PCNX1: variants seen among roughly 807,000 people sequenced by gnomAD.
The protein encoded by PCNX1 is pecanex-like protein 1.
A neutral mutation model predicts 242.2 loss-of-function variants in PCNX1; 78 were observed. The observed-to-expected ratio is 0.32, with a 90% CI of 0.27 to 0.39. PCNX1 has a LOEUF of 0.39. Among genes scored for constraint, PCNX1 ranks in the 10% least tolerant of loss-of-function variants. PCNX1 has a pLI of 1.00. For synonymous variants in PCNX1, 1,024 were observed against 1,032.9 expected (o/e 0.99, Z 0.17); for missense variants, 2,581 against 2,856.5 (o/e 0.90, Z 2.20).
rs768006796 is a variant in PCNX1, at chr14:71,057,491, T to A, written c.4637-18T>A. ...ACTTAAGGTTAAATTTAACTTTTTTTAAAATCTCTTTTTATAGGATCAGAT... is the reference window on the plus strand; with the variant it reads ...ACTTAAGGTTAAATTTAACTTTTTTAAAAATCTCTTTTTATAGGATCAGAT... On this transcript the variant is annotated intron_variant, in intron 25 of 35. Transcript: ENST00000304743. 6.4e-6 allele frequency: 10 copies of A among 1,566,732 alleles called. No homozygotes were observed. Among genetic ancestry groups the A allele is most frequent in the Middle Eastern group, 1.7e-4 (1 of 5,944 alleles).
At chr14:71,090,033 A>G (rs1265692517) in intron 30 of PCNX1, among the ~76,000 whole-genome samples, 2 of 152,222 alleles carry the variant, frequency 1.3e-5, no homozygotes, top group Admixed American at 6.5e-5. Flanking sequence ...TATTATTGCA[A>G]TTCCTGCCTA....
At chr14:70,917,472 A>G (rs776235729) in intron 1 of PCNX1, among the ~76,000 whole-genome samples, 7 of 152,214 alleles carry the variant, frequency 4.6e-5, no homozygotes, top group Non-Finnish European at 1.0e-4. Context: ...ATTTTCTTCT[A>G]TGTCTCCATC....
chr14:71,065,697 G>A (rs1402317247), intron 26 of PCNX1, among the ~76,000 whole-genome samples: 1 of 152,154 alleles, frequency 6.6e-6, no homozygotes, highest in African/African-American at 2.4e-5. Context: ...CCATGCCTAT[G>A]TCCTGAATGG....
intron 2 of PCNX1, among the ~76,000 whole-genome samples, chr14:70,961,193 A>G (rs1020296922): frequency 2.6e-5 from 4 of 152,186 alleles, no homozygotes; most frequent in African/African-American, 9.7e-5. Flanking sequence ...ACCAAAAAAG[A>G]GCCCACATCG....
chr14:70,965,009 A>G (rs1217791527), intron 3 of PCNX1, among the ~76,000 whole-genome samples: 1 of 152,158 alleles, frequency 6.6e-6, no homozygotes, highest in Non-Finnish European at 1.5e-5. Flanking sequence ...TCTTGTATGT[A>G]TTTTATTATA....
chr14:70,933,207 C>T (rs2056871346), intron 1 of PCNX1, among the ~76,000 whole-genome samples: 2 of 152,190 alleles, frequency 1.3e-5, no homozygotes, highest in African/African-American at 4.8e-5. Context: ...CCTATGTTTA[C>T]TAGCAGCTAC....
At chr14:71,015,790 A>G (rs998184960) in intron 11 of PCNX1, among the ~76,000 whole-genome samples, 2 of 152,220 alleles carry the variant, frequency 1.3e-5, no homozygotes, top group Non-Finnish European at 2.9e-5. Flanking sequence ...GATGAGACAA[A>G]TAGGAAACAC....
At position 71,047,867 on chromosome 14, in the gene PCNX1, C is replaced by A. The variant is rs1220586451; in HGVS notation, c.4221C>A (p.Ser1407Arg). 7.4e-6 allele frequency: 12 copies of A among 1,612,892 alleles called. No homozygotes were observed. Among genetic ancestry groups the A allele is most frequent in the Non-Finnish European group, 1.0e-5 (12 of 1,179,112 alleles). Residue 1407 changes from serine (S) to arginine (R), a missense_variant, in exon 22 of 36, where the codon AGC becomes AGA. By Grantham distance (110) the Ser-to-Arg change is moderately radical. Coordinates refer to ENST00000304743, the MANE Select transcript of PCNX1 (RefSeq NM_014982.3). ...AGTTGCTACGATCCTCTTTTAGCAGCCCTACATATCAGTATGTTACAGTCA... is the reference window on the plus strand; with the variant it reads ...AGTTGCTACGATCCTCTTTTAGCAGACCTACATATCAGTATGTTACAGTCA... Reference protein sequence around the residue: ...GLKLLRSSFSSPTYQYVTVIF... With the variant: ...GLKLLRSSFSRPTYQYVTVIF...
intron 26 of PCNX1, among the ~76,000 whole-genome samples, chr14:71,068,313 A>G (rs2061497253): frequency 6.6e-6 from 1 of 151,870 alleles, no homozygotes; most frequent in South Asian, 2.1e-4. Context: ...CTTGGGTGAC[A>G]GAGTGAGACT....
intron 1 of PCNX1, among the ~76,000 whole-genome samples, chr14:70,941,484 C>T (rs933604529): frequency 2.0e-5 from 3 of 152,198 alleles, no homozygotes; most frequent in Admixed American, 6.5e-5. Context: ...TTGATCCTTC[C>T]TCTGGAAGCT....
At chr14:70,937,511 G>A (rs1374320718) in intron 1 of PCNX1, among the ~76,000 whole-genome samples, 1 of 151,718 alleles carries the variant, frequency 6.6e-6, no homozygotes, top group Non-Finnish European at 1.5e-5. Context: ...TTTGGTACCA[G>A]GACCATGCTG....
intron 2 of PCNX1, among the ~76,000 whole-genome samples, chr14:70,956,523 C>T (rs2058000868): frequency 6.6e-6 from 1 of 152,044 alleles, no homozygotes; most frequent in Admixed American, 6.6e-5. Context: ...TGCACCACTG[C>T]ACCCCAGCCT....
rs139623749 is a variant in PCNX1 at position 70,968,226 on chromosome 14, C to T, written c.497C>T (p.Thr166Ile). 2.9e-3 allele frequency: 4,717 copies of T among 1,612,742 alleles called. 9 individuals are homozygous for T. The highest frequency in any genetic ancestry group is 3.5e-3 in the Non-Finnish European group (4,177 of 1,178,886). ...GGATCTGGTTCCTCGCGTCTTGGAA[C>T]AGCAGCAACTATTAAAGGTAGGTGT... ...QIGSGSSRLG[T>I]AATIKGDTDT... Residue 166 changes from threonine to isoleucine, a missense_variant, in exon 4 of 36, where the codon ACA becomes ATA. Coordinates refer to ENST00000304743, the MANE Select transcript of PCNX1 (RefSeq NM_014982.3).
rs565925577 is a variant in PCNX1, at chr14:70,978,785, A to G, written c.2311+137A>G. Reference sequence around the variant, plus strand: ...TTATTAAAATAAGCTTTCTTGAATGAAGAAGTAGGTGATTATCTTAGAAAA... The same window carrying G: ...TTATTAAAATAAGCTTTCTTGAATGGAGAAGTAGGTGATTATCTTAGAAAA... On this transcript the variant is annotated intron_variant, in intron 6 of 35. Transcript: ENST00000304743. The G allele has an allele frequency of 1.5e-5, 12 of 787,174 alleles. No homozygotes were observed. The East Asian group carries it at 3.4e-4, about 22-fold the overall frequency. The allele number at this position is 787,174 out of a possible 1,614,324, so 48.8% of individuals were successfully genotyped here. A position where few individuals can be genotyped will look rare whatever the true frequency, so the allele number is the denominator to read the frequency against.
At chr14:70,992,022 A>T (rs35523654) in intron 7 of PCNX1, among the ~76,000 whole-genome samples, 13,742 of 152,182 alleles carry the variant, frequency 0.09, 739 homozygotes, top group Admixed American at 0.18. Flanking sequence ...CATTTATTTT[A>T]TAATGCTTAT....
chr14:71,064,557 T>C (rs1242537592), intron 26 of PCNX1, among the ~76,000 whole-genome samples: 1 of 152,204 alleles, frequency 6.6e-6, no homozygotes, highest in African/African-American at 2.4e-5. Context: ...ATAAACTTCC[T>C]GGAAAGAAAG....
intron 6 of PCNX1, among the ~76,000 whole-genome samples, chr14:70,983,110 G>A (rs894805626): frequency 2.6e-5 from 4 of 152,090 alleles, no homozygotes; most frequent in African/African-American, 4.8e-5. Context: ...CCTTTATTAA[G>A]GGACTCTCCT....
intron 28 of PCNX1, chr14:71,078,873 T>C (rs954895167): frequency 2.0e-5 from 3 of 152,266 alleles, no homozygotes; most frequent in Non-Finnish European, 4.4e-5. Context: ...TATTATACTT[T>C]AAGTTCTGGG....
intron 2 of PCNX1, among the ~76,000 whole-genome samples, chr14:70,951,387 T>G (rs536837868): frequency 2.4e-4 from 37 of 152,164 alleles, no homozygotes; most frequent in Middle Eastern, 3.4e-3. Context: ...TGGTTGGTTG[T>G]TTGTTTTGAG....
Sources: allele counts gnomAD v4.1 joint callset (sites outside exome capture counted in the v4.1 genomes callset), GRCh38; gene constraint gnomAD v4.1.1; transcripts MANE v1.5; gene names NCBI Gene and HGNC (gene_info 2026-07-23, HGNC 2026-07-21).